CCDC138: variants seen among roughly 807,000 people sequenced by gnomAD.
CCDC138 encodes coiled-coil domain containing 138.
In CCDC138, 66 loss-of-function variants were observed where a neutral mutation model predicts 82.3. The observed-to-expected ratio is 0.80, with a 90% CI of 0.66 to 0.98. CCDC138 has a LOEUF of 0.98. Among genes scored for constraint, CCDC138 ranks in the 50% least tolerant of loss-of-function variants. The pLI is 0.00. For synonymous variants in CCDC138, 297 were observed against 265.4 expected, an observed-to-expected ratio of 1.12 and a Z score of -1.16; for missense variants, 816 against 758.9, an observed-to-expected ratio of 1.08 and a Z score of -0.88.
intron 10 of CCDC138, among the ~76,000 whole-genome samples, chr2:108,835,080 T>C (rs1423843605): frequency 6.6e-6 from 1 of 152,228 alleles, no homozygotes; most frequent in Admixed American, 6.5e-5. Context: ...AGAAAACATA[T>C]CTGCTGCAAA....
intron 10 of CCDC138, among the ~76,000 whole-genome samples, chr2:108,833,726 C>CT (rs35850089): frequency 1.3e-4 from 12 of 90,994 alleles, no homozygotes; most frequent in South Asian, 1.1e-3. Flanking sequence ...GTGGAGTAAA[C>CT]TTTTTTTTTT....
At position 108,793,205 on chromosome 2, in the gene CCDC138, TA is replaced by T. The variant is rs562773584; in HGVS notation, c.395-1333del. Among the ~76,000 whole-genome samples, 444 of 145,504 alleles carry T rather than the reference TA, an allele frequency of 3.1e-3. 5 individuals carry two copies. The highest frequency in any genetic ancestry group is 0.011 in the African/African-American group (427 of 39,084). The stretch of plus-strand genomic sequence containing the variant: ...ACCCTGTCTCTACTAAAAAAAAAAA[TA>T]ACAAAAAAATTAGCCGGGCTTGGTG... On this transcript the variant is annotated intron_variant, in intron 4 of 14. Coordinates refer to ENST00000295124, the MANE Select transcript of CCDC138 (RefSeq NM_144978.3).
At chr2:108,835,733 C>G (rs971001086) in intron 10 of CCDC138, among the ~76,000 whole-genome samples, 1 of 152,152 alleles carries the variant, frequency 6.6e-6, no homozygotes, top group Non-Finnish European at 1.5e-5. Context: ...CAACAGCTCT[C>G]CAGAAATATT....
chr2:108,787,098 T>A (rs911377734), intron 1 of CCDC138, among the ~76,000 whole-genome samples, 183 bp downstream of exon 1: 2 of 151,882 alleles, frequency 1.3e-5, no homozygotes. Context: ...GCTGCGGGGG[T>A]GCGGGGGTGC....
downstream of CCDC138, among the ~76,000 whole-genome samples, chr2:108,878,104 G>A (rs1478520): frequency 0.71 from 107,502 of 152,176 alleles, 41,356 homozygotes; most frequent in East Asian, 0.9. Flanking sequence ...AATCAACTAA[G>A]AGATGAAAGA....
chr2:108,863,681 T>G (rs1259412690), intron 13 of CCDC138, among the ~76,000 whole-genome samples: 1 of 152,242 alleles, frequency 6.6e-6, no homozygotes, highest in Non-Finnish European at 1.5e-5. Context: ...TATTTTGTTA[T>G]GTTTATCATC....
At chr2:108,844,845 T>G (rs1690171427) in intron 11 of CCDC138, among the ~76,000 whole-genome samples, 1 of 151,824 alleles carries the variant, frequency 6.6e-6, no homozygotes, top group Non-Finnish European at 1.5e-5. Flanking sequence ...ACTCCCAGGT[T>G]CAAGCGATTC....
chr2:108,820,973 A>G (rs775133046), intron 10 of CCDC138, among the ~76,000 whole-genome samples: 5 of 151,938 alleles, frequency 3.3e-5, no homozygotes, highest in Non-Finnish European at 5.9e-5. Flanking sequence ...CCTGGTATGT[A>G]AGTTGATTTT....
chr2:108,795,274 C>T (rs1429388195), intron 5 of CCDC138, among the ~76,000 whole-genome samples: 1 of 149,790 alleles, frequency 6.7e-6, no homozygotes, highest in Non-Finnish European at 1.5e-5. Flanking sequence ...CCTGCCTCAG[C>T]CTCCTGAGTA....
rs10206409 is a variant in CCDC138, at chr2:108,832,348, T to C, written c.1207-6837T>C. Among the ~76,000 whole-genome samples, 554 of 141,916 alleles carry C rather than the reference T, an allele frequency of 3.9e-3. 4 individuals carry two copies. Among genetic ancestry groups the C allele is most frequent in the East Asian group, 0.014 (66 of 4,882 alleles). The allele number at this position is 141,916 out of a possible 152,430, so 93.1% of individuals were successfully genotyped here. A position where few individuals can be genotyped will look rare whatever the true frequency, so the allele number is the denominator to read the frequency against. The stretch of plus-strand genomic sequence containing the variant: ...GGCCAGAATTTGTATTTCTTTCTTT[T>C]TTTTTTTTTTTTTTTTGAGACAGAG... On this transcript the variant is annotated intron_variant, in intron 10 of 14. Transcript: ENST00000295124.
intron 10 of CCDC138, among the ~76,000 whole-genome samples, chr2:108,838,208 A>G (rs1361324617): frequency 2.0e-5 from 3 of 152,194 alleles, no homozygotes; most frequent in Non-Finnish European, 4.4e-5. Flanking sequence ...TATCAGAGGC[A>G]TACTCTAGGC....
Position 108,816,125 on chromosome 2 carries a change from A to G in CCDC138, c.1206+20A>G, listed in dbSNP as rs758689446. On this transcript the variant is annotated intron_variant, in intron 10 of 14. Coordinates refer to ENST00000295124, the MANE Select transcript of CCDC138 (RefSeq NM_144978.3). ...GTAAAGGTTTGTTTTTTAATTTGAAATATGTGATTCAGAATATATGAAGAT... is the reference window on the plus strand; with the variant it reads ...GTAAAGGTTTGTTTTTTAATTTGAAGTATGTGATTCAGAATATATGAAGAT... 5.1e-5 allele frequency: 79 copies of G among 1,547,992 alleles called. No homozygotes were observed. Among genetic ancestry groups the G allele is most frequent in the African/African-American group, 2.7e-5 (2 of 72,800 alleles).
At chr2:108,852,301 G>T (rs1302086076) in intron 12 of CCDC138, among the ~76,000 whole-genome samples, 1 of 152,202 alleles carries the variant, frequency 6.6e-6, no homozygotes, top group Non-Finnish European at 1.5e-5. Context: ...TACACTGTTT[G>T]TGGGAGTGTA....
Position 108,791,318 on chromosome 2 carries a change from C to CT in CCDC138, c.267-355dup, listed in dbSNP as rs577183660. Among the ~76,000 whole-genome samples the CT allele has an allele frequency of 3.2e-4, 49 of 152,196 alleles. No individual in the cohort carries two copies. The South Asian group carries it at 9.7e-3, about 30-fold the overall frequency. On this transcript the variant is annotated intron_variant, in intron 3 of 14. Coordinates refer to ENST00000295124, the MANE Select transcript of CCDC138 (RefSeq NM_144978.3). ...GTTATGTCACCCATCAGTTATTTGA[C>CT]TTACTTAGGTTTAGTTTACTTATGT...
chr2:108,825,632 A>G (rs1686445804), intron 10 of CCDC138, among the ~76,000 whole-genome samples: 2 of 152,168 alleles, frequency 1.3e-5, no homozygotes, highest in African/African-American at 4.8e-5. Context: ...ACATGTGTCA[A>G]TACTTCATTC....
intron 12 of CCDC138, among the ~76,000 whole-genome samples, chr2:108,853,962 A>AT (rs1692065614): frequency 1.7e-5 from 2 of 116,834 alleles, no homozygotes; most frequent in African/African-American, 6.6e-5. Context: ...AAATATATAT[A>AT]ATAAAATATA....
At chr2:108,877,139 A>G (rs1188328907), downstream of CCDC138, among the ~76,000 whole-genome samples, 2 of 152,174 alleles carry the variant, frequency 1.3e-5, no homozygotes, top group African/African-American at 2.4e-5. Flanking sequence ...ATGAAAGAAC[A>G]GGCCAAGGTG....
rs200726817 is a variant in CCDC138 at position 108,864,036 on chromosome 2, CAT to C, written c.1693+7067_1693+7068del. On this transcript the variant is annotated intron_variant, in intron 13 of 14. Transcript: ENST00000295124. ...TCTAAGATGAAAGGCTGGTCTTTCT[CAT>C]GTGTAACACTAGACAATAATAGATG... Among the ~76,000 whole-genome samples, 725 of 152,184 alleles carry C rather than the reference CAT, an allele frequency of 4.8e-3. 7 individuals carry two copies. The highest frequency in any genetic ancestry group is 0.023 in the South Asian group (110 of 4,820).
chr2:108,797,551 A>C (rs1028160769), intron 5 of CCDC138, among the ~76,000 whole-genome samples: 4 of 152,144 alleles, frequency 2.6e-5, no homozygotes, highest in African/African-American at 9.7e-5. Context: ...GGGTGGGGCC[A>C]AGAGAGATTT....
Sources: gnomAD v4.1 joint callset for allele counts (sites outside exome capture counted in the v4.1 genomes callset) on GRCh38, gnomAD v4.1.1 for gene constraint, MANE v1.5 for transcripts, NCBI Gene and HGNC (gene_info 2026-07-23, HGNC 2026-07-21) for gene names.